HTT: variants seen among roughly 807,000 people sequenced by gnomAD.
The protein encoded by HTT is huntington disease protein.
Under a neutral mutation model 362.3 loss-of-function variants are expected in HTT, and 104 were observed. The ratio of observed to expected loss-of-function variants is 0.29; its 90% CI spans 0.24 to 0.34. The LOEUF (loss-of-function observed/expected upper bound fraction) is 0.34. Among genes scored for constraint, HTT ranks in the 10% least tolerant of loss-of-function variants. HTT has a pLI of 1.00. For synonymous variants in HTT, 1,577 were observed against 1,548.7 expected, an observed-to-expected ratio of 1.02 and a Z score of -0.43; for missense variants, 3,301 against 3,928.6, an observed-to-expected ratio of 0.84 and a Z score of 4.27.
In HTT at chr4:3,107,157, T is replaced by C. The variant is rs567734477; in HGVS notation, c.609-128T>C. 50 of 851,530 alleles carry C rather than the reference T, an allele frequency of 5.9e-5. No individual in the cohort carries two copies. The East Asian group carries it at 1.2e-3, about 20-fold the overall frequency. 52.7% of individuals were successfully genotyped at this position (851,530 alleles called of 1,614,324 possible). A position where few individuals can be genotyped will look rare whatever the true frequency, so the allele number is the denominator to read the frequency against. The stretch of plus-strand genomic sequence containing the variant: ...CATTTCATCCTCCTGTTCTTTCAGC[T>C]GAGTTTTCCCCATCCCATTAGGGAC... On this transcript the variant is annotated intron_variant, in intron 5 of 66. Transcript: ENST00000355072.
Position 3,190,712 on chromosome 4 carries a change from A to G in HTT, c.5368+1619A>G, listed in dbSNP as rs185388293. Among the ~76,000 whole-genome samples, 47 of 152,362 alleles carry G rather than the reference A, an allele frequency of 3.1e-4. 1 individual carries two copies. In the East Asian group the frequency reaches 8.7e-3, roughly 28 times the overall value. On this transcript the variant is annotated intron_variant, in intron 40 of 66. Transcript: ENST00000355072. Reference sequence around the variant, plus strand: ...ATGTCTCTAGAGAAAGAAAATGACAAGGACAGTGAACCCAAGAAAGTCATA... The same window carrying G: ...ATGTCTCTAGAGAAAGAAAATGACAGGGACAGTGAACCCAAGAAAGTCATA...
Position 3,192,957 on chromosome 4 carries a change from A to G in HTT, c.5368+3864A>G, listed in dbSNP as rs1034938483. 3.3e-5 allele frequency among the ~76,000 whole-genome samples: 5 copies of G among 152,232 alleles called. No homozygotes were observed. In the East Asian group the frequency reaches 7.7e-4, roughly 23 times the overall value. On this transcript the variant is annotated intron_variant, in intron 40 of 66. Transcript: ENST00000355072. ...AACTTCCAGTCAGTGCGTCAGTATC[A>G]CAAGTCTTGATATTTCCTATGAAGA...
At chr4:3,083,969 A>C (rs1003487996) in intron 1 of HTT, among the ~76,000 whole-genome samples, 3 of 152,188 alleles carry the variant, frequency 2.0e-5, no homozygotes, top group Non-Finnish European at 4.4e-5. Flanking sequence ...AGTTTAGGTG[A>C]AGTTATGCTA....
chr4:3,131,212 T>G, intron 14 of HTT, 74 bp from the exon 15 acceptor site: 1 of 1,140,514 alleles, frequency 8.8e-7, no homozygotes, highest in South Asian at 1.2e-5. Flanking sequence ...GCTCTGGAAC[T>G]ATCTGTTGAA....
Position 3,157,115 on chromosome 4 carries a change from A to G in HTT, c.3669A>G (p.Lys1223=), listed in dbSNP as rs767551378. 1.9e-6 allele frequency: 3 copies of G among 1,613,082 alleles called. No homozygotes were observed. In the Admixed American group the frequency reaches 5.0e-5, roughly 27 times the overall value. ...SDTSGPVTTS[K]SSSLGSFYHL... Reference sequence around the variant, plus strand: ...CCTCAGGTCCTGTTACAACAAGTAAATCCTCATCACTGGGGAGTTTCTATC... The same window carrying G: ...CCTCAGGTCCTGTTACAACAAGTAAGTCCTCATCACTGGGGAGTTTCTATC... The change falls in exon 28 of 67, where the codon AAA becomes AAG. Residue 1223 remains lysine (K), a synonymous_variant. Transcript: ENST00000355072.
chr4:3,126,920 C>T (rs115120497), intron 11 of HTT, among the ~76,000 whole-genome samples: 3,417 of 152,282 alleles, frequency 0.022, 128 homozygotes, highest in African/African-American at 0.076. Flanking sequence ...CCTAGCTTTG[C>T]GCCCCTGACT....
At chr4:3,223,257 T>C (rs1014746957) in intron 54 of HTT, 149 bp from the exon 55 acceptor site, 3 of 673,848 alleles carry the variant, frequency 4.5e-6, no homozygotes, top group African/African-American at 3.7e-5. Context: ...CCCTGCCTTG[T>C]GCCCCGTGAG....
chr4:3,207,126 T>C (rs536162384), intron 44 of HTT, 143 bp downstream of exon 44: 4 of 1,045,896 alleles, frequency 3.8e-6, no homozygotes, highest in Non-Finnish European at 5.6e-6. Context: ...AACTTGCCGT[T>C]ACTCGTGTGT....
chr4:3,172,976 G>T lies in HTT; in HGVS notation c.4011G>T (p.Lys1337Asn), dbSNP rs1406207578. ...QFDGLSSNPS[K>N]SQGRAQRLGS... ...ATGGCTTATCTTCCAACCCCAGCAA[G>T]TCACAAGGCCGAGCACAGCGCCTTG... The change falls in exon 31 of 67, where the codon AAG (lysine) becomes AAT (asparagine). Residue 1337 changes from lysine to asparagine, a missense_variant. Lys to Asn is a moderately conservative substitution (Grantham distance 94). This residue lies in a region of HTT where 2,316 missense variants were observed against 2,658.5 expected (regional missense o/e 0.87). Transcript: ENST00000355072. The T allele has an allele frequency of 6.2e-7, 1 of 1,614,194 alleles. No homozygotes were observed.
At chr4:3,191,843 A>G (rs1035797093) in intron 40 of HTT, among the ~76,000 whole-genome samples, 2 of 152,240 alleles carry the variant, frequency 1.3e-5, no homozygotes, top group Admixed American at 1.3e-4. Flanking sequence ...TCTGAAGTCT[A>G]TAAATCATGA....
At chr4:3,169,025 T>TC (rs74754368) in intron 29 of HTT, among the ~76,000 whole-genome samples, 129 of 149,090 alleles carry the variant, frequency 8.7e-4, no homozygotes, top group East Asian at 6.2e-3. Flanking sequence ...TTTCTTTCTT[T>TC]TTTTTTTTTT....
At chr4:3,215,614 A>G (rs1720361624) in intron 51 of HTT, among the ~76,000 whole-genome samples, 1 of 152,144 alleles carries the variant, frequency 6.6e-6, no homozygotes, top group Non-Finnish European at 1.5e-5. Context: ...GTGATAATGA[A>G]TAAATAAATG....
rs764230987 is a variant in HTT, at chr4:3,199,798, T to A, written c.5435T>A (p.Phe1812Tyr). 1.9e-6 allele frequency: 3 copies of A among 1,614,104 alleles called. No homozygotes were observed. Among genetic ancestry groups the A allele is most frequent in the Non-Finnish European group, 2.5e-6 (3 of 1,180,056 alleles). ...CGCAGTGATGGCTGTGGCGGCAGTTTCTACACCCTGGACAGCTTGAACTTG... is the reference window on the plus strand; with the variant it reads ...CGCAGTGATGGCTGTGGCGGCAGTTACTACACCCTGGACAGCTTGAACTTG... ...LFRSDGCGGS[F>Y]YTLDSLNLRA... Residue 1812 changes from phenylalanine to tyrosine, a missense_variant, in exon 41 of 67, where the codon TTC becomes TAC. By Grantham distance (22) the Phe-to-Tyr change is conservative. This residue lies in a region of HTT where 2,316 missense variants were observed against 2,658.5 expected (regional missense o/e 0.87). Transcript: ENST00000355072.
intron 29 of HTT, among the ~76,000 whole-genome samples, chr4:3,170,350 G>A (rs1436634738): frequency 1.3e-5 from 2 of 152,022 alleles, no homozygotes; most frequent in Non-Finnish European, 2.9e-5. Context: ...ACCATGCTTA[G>A]GAGGCAAGAC....
rs769845761 is a variant in HTT at position 3,140,650 on chromosome 4, T to C, written c.2939T>C (p.Ile980Thr). The change falls in exon 22 of 67, where the codon ATA becomes ACA. Residue 980 changes from isoleucine (I) to threonine (T), a missense_variant. Ile to Thr is a moderately conservative substitution (Grantham distance 89). Transcript: ENST00000355072. ...CCATCTCATTTCTCCGTCAGCACAATAACCAGGTATGCTGACCCAGTGGCA... is the reference window on the plus strand; with the variant it reads ...CCATCTCATTTCTCCGTCAGCACAACAACCAGGTATGCTGACCCAGTGGCA... ...QPPSHFSVST[I>T]TRIYRGYNLL... 1.9e-6 allele frequency: 3 copies of C among 1,613,968 alleles called. No individual in the cohort carries two copies. Among genetic ancestry groups the C allele is most frequent in the South Asian group, 2.2e-5 (2 of 91,054 alleles).
chr4:3,148,795 C>G (rs1257019590), intron 26 of HTT, among the ~76,000 whole-genome samples: 1 of 151,076 alleles, frequency 6.6e-6, no homozygotes, highest in Admixed American at 6.6e-5. Context: ...GAGACTCCGT[C>G]TCAAAAAAAA....
At chr4:3,122,214 A>G (rs1715328461) in intron 9 of HTT, among the ~76,000 whole-genome samples, 1 of 152,218 alleles carries the variant, frequency 6.6e-6, no homozygotes, top group Admixed American at 6.5e-5. Context: ...GCCCTGGAGC[A>G]GTGAGCTTGG....
chr4:3,204,311 A>G (rs1361933850), intron 42 of HTT, among the ~76,000 whole-genome samples, 163 bp downstream of exon 42: 2 of 152,196 alleles, frequency 1.3e-5, no homozygotes, highest in Non-Finnish European at 2.9e-5. Context: ...CTGCTGTGAC[A>G]TATAATTGGA....
At chr4:3,196,704 C>T (rs944863736) in intron 40 of HTT, among the ~76,000 whole-genome samples, 11 of 151,496 alleles carry the variant, frequency 7.3e-5, no homozygotes, top group African/African-American at 2.7e-4. Context: ...TGCCACTGTA[C>T]TCCAGTCTGG....
Sources: allele counts gnomAD v4.1 joint callset (sites outside exome capture counted in the v4.1 genomes callset), GRCh38; gene constraint gnomAD v4.1.1; regional missense constraint gnomAD v4.1.1; transcripts MANE v1.5; gene names NCBI Gene and HGNC (gene_info 2026-07-23, HGNC 2026-07-21).